AIMP1: variants seen among roughly 807,000 people sequenced by gnomAD.
AIMP1 encodes the protein aminoacyl tRNA synthase complex-interacting multifunctional protein 1.
A neutral mutation model predicts 33.1 loss-of-function variants in AIMP1; 24 were observed. The ratio of observed to expected loss-of-function variants is 0.73; its 90% CI spans 0.53 to 1.02. The LOEUF (loss-of-function observed/expected upper bound fraction) is 1.02, where lower values mean the gene tolerates loss of function less well. Among genes scored for constraint, AIMP1 ranks in the 50% least tolerant of loss-of-function variants. The pLI is 0.00. For missense variants in AIMP1, 367 were observed against 364.8 expected (o/e 1.01, Z -0.05); for synonymous variants, 120 against 121.5 (o/e 0.99, Z 0.08).
At chr4:106,328,627 C>T (rs934168198) in intron 4 of AIMP1, among the ~76,000 whole-genome samples, 6 of 152,118 alleles carry the variant, frequency 3.9e-5, no homozygotes, top group Non-Finnish European at 7.4e-5. Context: ...AACATTCCAC[C>T]AGTCAAAACA....
Position 106,317,384 on chromosome 4 carries a change from TCTAA to T in AIMP1, c.-26+793_-26+796del, listed in dbSNP as rs757527994. ...GCAGGTCATGAAGATCTTGAGGACA[TCTAA>T]CTTTTATTCTAAATGAAATAGGACT... is the stretch of plus-strand genomic sequence containing the variant. On this transcript the variant is annotated intron_variant, in intron 1 of 6. Transcript: ENST00000672341. Among the ~76,000 whole-genome samples, 58 of 152,326 alleles carry T rather than the reference TCTAA, an allele frequency of 3.8e-4. No individual in the cohort carries two copies. In the Middle Eastern group the frequency reaches 0.01, roughly 27 times the overall value.
At chr4:106,322,983 CAAAAA>C (rs201904801) in intron 1 of AIMP1, among the ~76,000 whole-genome samples, 2 of 95,866 alleles carry the variant, frequency 2.1e-5, no homozygotes, top group Non-Finnish European at 2.2e-5. Context: ...GACTCTGTCT[CAAAAA>C]AAAAAAAAAA....
At chr4:106,324,210 G>A (rs1769375686) in intron 1 of AIMP1, among the ~76,000 whole-genome samples, 1 of 151,826 alleles carries the variant, frequency 6.6e-6, no homozygotes, top group Admixed American at 6.6e-5. Context: ...GTTATACCTT[G>A]AATTATAAAT....
chr4:106,338,574 C>T (rs1394894826), intron 6 of AIMP1, among the ~76,000 whole-genome samples: 2 of 152,184 alleles, frequency 1.3e-5, no homozygotes, highest in Admixed American at 6.5e-5. Context: ...GCCTAGATTT[C>T]AGAAGATGTA....
At chr4:106,346,323 G>A (rs1172305402) in intron 6 of AIMP1, among the ~76,000 whole-genome samples, 1 of 152,060 alleles carries the variant, frequency 6.6e-6, no homozygotes, top group Admixed American at 6.6e-5. Flanking sequence ...GAGGGGTTGT[G>A]GGTATTAACC....
intron 5 of AIMP1, among the ~76,000 whole-genome samples, chr4:106,335,343 T>C (rs1769835215): frequency 1.3e-5 from 2 of 152,130 alleles, no homozygotes; most frequent in Non-Finnish European, 2.9e-5. Context: ...TTGTAGACTA[T>C]TTTTTCTCTT....
intron 4 of AIMP1, among the ~76,000 whole-genome samples, chr4:106,329,226 A>G (rs1770643740): frequency 6.6e-6 from 1 of 152,222 alleles, no homozygotes; most frequent in Non-Finnish European, 1.5e-5. Context: ...TATGATTACA[A>G]TGAAAGCAAG....
At chr4:106,336,207 A>G (rs1388408474) in intron 5 of AIMP1, among the ~76,000 whole-genome samples, 2 of 145,764 alleles carry the variant, frequency 1.4e-5, no homozygotes, top group African/African-American at 5.1e-5. Context: ...GAATTTTTTT[A>G]TTTTTTGTAG....
chr4:106,332,355 T>C (rs1561027755), intron 5 of AIMP1, among the ~76,000 whole-genome samples: 1 of 151,778 alleles, frequency 6.6e-6, no homozygotes, highest in African/African-American at 2.4e-5. Context: ...TAAAACTTGC[T>C]CTCATGCTTT....
At chr4:106,321,554 C>CGGCAGCGGCCCCGTCCGGGAGGTGGGG (rs1769243426) in intron 1 of AIMP1, 1 of 154,378 alleles carries the variant, frequency 6.5e-6, no homozygotes, top group Non-Finnish European at 1.4e-5. Flanking sequence ...GCTTTCCGCC[C>CGGCAGCGGCCCCGTCCGGGAGGTGGGG]GGCAGCGGCC....
chr4:106,318,465 C>G (rs1769072449), intron 1 of AIMP1, among the ~76,000 whole-genome samples: 1 of 151,870 alleles, frequency 6.6e-6, no homozygotes, highest in Admixed American at 6.6e-5. Flanking sequence ...TGTAGCAAAT[C>G]AGGGAAAGAA....
chr4:106,317,889 T>TA (rs1769030373), intron 1 of AIMP1, among the ~76,000 whole-genome samples: 1 of 152,172 alleles, frequency 6.6e-6, no homozygotes, highest in South Asian at 2.1e-4. Context: ...CTGCAAATCT[T>TA]AACCAGGTAA....
Position 106,325,094 on chromosome 4 carries a change from G to C in AIMP1, c.85G>C (p.Val29Leu), listed in dbSNP as rs746379768. Residue 29 changes from valine to leucine, a missense_variant, in exon 2 of 7, where the codon GTT becomes CTT. Val to Leu is a conservative substitution (Grantham distance 32). Transcript: ENST00000672341. Reference protein sequence around the residue: ...DQIIEYLKQQVSLLKEKAILQ... With the variant: ...DQIIEYLKQQLSLLKEKAILQ... ...AATCATTGAATATCTTAAGCAGCAA[G>C]TTTCTCTACTTAAGGAGAAAGCAAG... 25 of 1,612,464 alleles carry C rather than the reference G, an allele frequency of 1.6e-5. No individual in the cohort carries two copies. In the Middle Eastern group the frequency reaches 4.9e-4, roughly 32 times the overall value.
At chr4:106,320,936 C>G (rs1299510913) in intron 1 of AIMP1, among the ~76,000 whole-genome samples, 2 of 152,116 alleles carry the variant, frequency 1.3e-5, no homozygotes, top group South Asian at 2.1e-4. Context: ...TTGGTGGAGA[C>G]GGGGTTTCAC....
At chr4:106,344,793 C>T (rs935253387) in intron 6 of AIMP1, among the ~76,000 whole-genome samples, 3 of 151,082 alleles carry the variant, frequency 2.0e-5, no homozygotes, top group Admixed American at 6.6e-5. Context: ...AAGATAGCTG[C>T]ATGATTCGCT....
At chr4:106,325,388 G>A (rs944477776) in intron 2 of AIMP1, among the ~76,000 whole-genome samples, 8 of 151,850 alleles carry the variant, frequency 5.3e-5, no homozygotes, top group South Asian at 4.2e-4. Flanking sequence ...GCTTTCCTAC[G>A]TTTTGTAAGC....
At chr4:106,321,730 A>G (rs1379296180) in intron 1 of AIMP1, among the ~76,000 whole-genome samples, 2 of 152,244 alleles carry the variant, frequency 1.3e-5, no homozygotes, top group Admixed American at 1.3e-4. Flanking sequence ...GGCCATGATG[A>G]CGATGGCAGT....
chr4:106,316,665 A>G (rs1768922110), intron 1 of AIMP1, 71 bp downstream of exon 1: 2 of 1,482,246 alleles, frequency 1.3e-6, no homozygotes, highest in Non-Finnish European at 1.8e-6. Flanking sequence ...TCCTTCTCTA[A>G]CTTGCCTCCA....
intron 5 of AIMP1, among the ~76,000 whole-genome samples, chr4:106,332,483 T>G (rs1159578929): frequency 6.6e-6 from 1 of 151,610 alleles, no homozygotes; most frequent in Non-Finnish European, 1.5e-5. Context: ...TAGAAGTACT[T>G]AATAGATAAA....
Sources: allele counts gnomAD v4.1 joint callset (sites outside exome capture counted in the v4.1 genomes callset), GRCh38; gene constraint gnomAD v4.1.1; transcripts MANE v1.5; gene names NCBI Gene and HGNC (gene_info 2026-07-23, HGNC 2026-07-21).